The following HK1 variants were observed in gnomAD, a reference collection of about 807,000 sequenced individuals.
The protein encoded by HK1 is hexokinase 1, also known as hexokinase-1.
HK1 carries 28 observed loss-of-function variants against 91.6 expected under a neutral mutation model. That is an observed-to-expected ratio of 0.31 (90% CI 0.23 to 0.42). The LOEUF is 0.42. HK1 is among the 10% of genes least tolerant of loss of function. HK1 has a pLI of 1.00. For synonymous variants in HK1, 430 were observed against 468.1 expected (o/e 0.92, Z 1.05); for missense variants, 770 against 1,219.8 (o/e 0.63, Z 5.49).
chr10:69,387,315 G>T (rs1404707489), intron 13 of HK1, among the ~76,000 whole-genome samples: 1 of 152,002 alleles, frequency 6.6e-6, no homozygotes, highest in African/African-American at 2.4e-5. Context: ...TTGAGACAGG[G>T]TCTTACTCTG....
chr10:69,382,804 T>G lies in HK1; in HGVS notation c.1570+13T>G. 6.2e-7 allele frequency: 1 copy of G among 1,607,528 alleles called. No individual in the cohort carries two copies. The highest frequency in any genetic ancestry group is 8.5e-7 in the Non-Finnish European group (1 of 1,178,074). ...CCCGACGGGACCGGTGAGGGCCTGC[T>G]GGGGGCTGACATGCCTGTCCTGCTC... On this transcript the variant is annotated intron_variant, in intron 10 of 17. Coordinates refer to ENST00000359426, the MANE Select transcript of HK1 (RefSeq NM_000188.3).
chr10:69,332,469 C>T (rs1847787022), intron 1 of HK1, among the ~76,000 whole-genome samples: 1 of 151,964 alleles, frequency 6.6e-6, no homozygotes, highest in Non-Finnish European at 1.5e-5. Context: ...ACCTCTGCCT[C>T]CCTGGTTCAA....
chr10:69,368,368 G>A (rs1033991745), intron 4 of HK1, among the ~76,000 whole-genome samples, 168 bp from the exon 5 acceptor site: 2 of 152,190 alleles, frequency 1.3e-5, no homozygotes, highest in Non-Finnish European at 2.9e-5. Flanking sequence ...GTGGATGATC[G>A]GGAGATGGAA....
At chr10:69,359,338 A>G (rs527426867) in intron 2 of HK1, among the ~76,000 whole-genome samples, 2 of 152,344 alleles carry the variant, frequency 1.3e-5, no homozygotes, top group African/African-American at 4.8e-5. Context: ...GAATGTACTT[A>G]ATGCTACTGA....
At chr10:69,283,819 A>G (rs1431128355) in intron 2 of HK1, among the ~76,000 whole-genome samples, 2 of 145,252 alleles carry the variant, frequency 1.4e-5, no homozygotes, top group East Asian at 2.0e-4. Context: ...AAAAAAAAAG[A>G]AAAGAAAAAA....
At chr10:69,271,757 A>G (rs934394306) in intron 1 of HK1, among the ~76,000 whole-genome samples, 14 of 152,258 alleles carry the variant, frequency 9.2e-5, no homozygotes, top group African/African-American at 3.4e-4. Flanking sequence ...GATTACAGGC[A>G]TGAGCCACTG....
intron 4 of HK1, chr10:69,300,730 A>G: frequency 8.7e-7 from 1 of 1,143,992 alleles, no homozygotes; most frequent in East Asian, 2.4e-5. Flanking sequence ...ATGACTTTGG[A>G]GCATGGCCTA....
At chr10:69,315,661 C>G (rs775329917), upstream of HK1, 224 of 484,266 alleles carry the variant, frequency 4.6e-4, no homozygotes, top group Non-Finnish European at 7.1e-4. Context: ...AGAGGGGACA[C>G]AGCAGTGCAG....
At chr10:69,357,706 G>T (rs10823353) in intron 2 of HK1, among the ~76,000 whole-genome samples, 37,421 of 151,936 alleles carry the variant, frequency 0.25, 5,418 homozygotes, top group South Asian at 0.33. Flanking sequence ...ACCTGCCTCA[G>T]CCTCCCAAAG....
At chr10:69,296,640 CAG>C (rs1481872868) in intron 4 of HK1, among the ~76,000 whole-genome samples, 9 of 152,004 alleles carry the variant, frequency 5.9e-5, no homozygotes, top group African/African-American at 2.2e-4. Context: ...ATGAGATTTG[CAG>C]AGAGTCTTGA....
chr10:69,336,013 T>C (rs562783898), intron 1 of HK1, among the ~76,000 whole-genome samples: 4 of 152,184 alleles, frequency 2.6e-5, no homozygotes, highest in African/African-American at 9.7e-5. Context: ...CATCTCTTTA[T>C]GTATGAGTGT....
At chr10:69,349,558 C>G (rs1214796839) in intron 2 of HK1, among the ~76,000 whole-genome samples, 1 of 152,206 alleles carries the variant, frequency 6.6e-6, no homozygotes, top group Non-Finnish European at 1.5e-5. Context: ...TCAGGATTCG[C>G]TGGCATCTCT....
intron 2 of HK1, among the ~76,000 whole-genome samples, chr10:69,354,643 G>A (rs1311344833): frequency 8.1e-6 from 1 of 123,732 alleles, no homozygotes; most frequent in African/African-American, 3.5e-5. Flanking sequence ...AACCATATCA[G>A]GTGCCTTGAA....
intron 12 of HK1, 34 bp from the exon 13 acceptor site, chr10:69,386,289 A>C: frequency 6.4e-7 from 1 of 1,564,624 alleles, no homozygotes; most frequent in African/African-American, 1.4e-5. Flanking sequence ...CAGGTTAATT[A>C]CACAGGACTC....
At position 69,299,356 on chromosome 10, in the gene HK1, G is replaced by GTTTTTTTT. The variant is rs869272971; in HGVS notation, c.-66-1408_-66-1407insTTTTTTTT. Among the ~76,000 whole-genome samples the GTTTTTTTT allele has an allele frequency of 4.4e-4, 58 of 132,090 alleles. 2 individuals carry two copies. Among genetic ancestry groups the GTTTTTTTT allele is most frequent in the African/African-American group, 1.5e-3 (54 of 35,880 alleles). The allele number at this position is 132,090 out of a possible 152,430, so 86.7% of individuals were successfully genotyped here. ...CCATTTTTTTGTTTGTTTGTTTGTG[G>GTTTTTTTT]TTTTTGTTTGTTTGTTTGTTTGTTT... On this transcript the variant is annotated intron_variant, in intron 4 of 21. Transcript: ENST00000360289.
rs542329456 is a variant in HK1, at chr10:69,301,718, T to C, written c.27+857T>C. Among the ~76,000 whole-genome samples, 3 of 151,820 alleles carry C rather than the reference T, an allele frequency of 2.0e-5. No homozygotes were observed. In the East Asian group the frequency reaches 5.8e-4, roughly 29 times the overall value. The stretch of plus-strand genomic sequence containing the variant: ...GATTGTTGAAAGAAAATAAAGAAGA[T>C]CTAAATTAATGGAAAGACATCCCAT... On this transcript the variant is annotated intron_variant, in intron 5 of 21. Coordinates refer to the HK1 transcript ENST00000360289.
chr10:69,392,100 C>T, intron 14 of HK1, 25 bp from the exon 15 acceptor site: 1 of 1,613,982 alleles, frequency 6.2e-7, no homozygotes, highest in Non-Finnish European at 8.5e-7. Context: ...GCCACCGCTC[C>T]TCATTGCCCC....
chr10:69,311,440 T>C (rs1376380589), upstream of HK1, among the ~76,000 whole-genome samples: 1 of 152,128 alleles, frequency 6.6e-6, no homozygotes, highest in East Asian at 1.9e-4. Flanking sequence ...TGAAGGTCGT[T>C]GTGTGTGGGT....
At chr10:69,359,201 GA>G (rs1849294341) in intron 2 of HK1, among the ~76,000 whole-genome samples, 1 of 152,200 alleles carries the variant, frequency 6.6e-6, no homozygotes, top group South Asian at 2.1e-4. Context: ...TAGAGACAGA[GA>G]GTAGAATCGT....
Sources: gnomAD v4.1 joint callset for allele counts (sites outside exome capture counted in the v4.1 genomes callset) on GRCh38, gnomAD v4.1.1 for gene constraint, MANE v1.5 for transcripts, NCBI Gene and HGNC (gene_info 2026-07-23, HGNC 2026-07-21) for gene names.